The following USP54 variants were observed in gnomAD, a reference collection of about 807,000 sequenced individuals.
The protein encoded by USP54 is ubiquitin carboxyl-terminal hydrolase 54.
In USP54, 87 loss-of-function variants were observed where a neutral mutation model predicts 170.5. That is an observed-to-expected ratio of 0.51 (90% CI 0.43 to 0.61). The LOEUF (loss-of-function observed/expected upper bound fraction) is 0.61. USP54 is among the 20% of genes least tolerant of loss of function. USP54 has a pLI of 0.00. For synonymous variants in USP54, 655 were observed against 742.8 expected, an observed-to-expected ratio of 0.88 and a Z score of 1.92; for missense variants, 1,786 against 2,047.8, an observed-to-expected ratio of 0.87 and a Z score of 2.47.
chr10:73,572,914 A>G (rs1356263318), intron 3 of USP54, among the ~76,000 whole-genome samples: 5 of 152,210 alleles, frequency 3.3e-5, no homozygotes, highest in Non-Finnish European at 7.3e-5. Context: ...CGGGTAAACA[A>G]ACACATTTAT....
chr10:73,530,229 T>A lies in USP54; in HGVS notation c.1742A>T (p.Glu581Val), dbSNP rs1227427641. 1 of 1,614,062 alleles carries A rather than the reference T, an allele frequency of 6.2e-7. No individual in the cohort carries two copies. The highest frequency in any genetic ancestry group is 1.3e-5 in the African/African-American group (1 of 74,938). Residue 581 changes from glutamate (E) to valine (V), a missense_variant, in exon 14 of 24, where the codon GAA becomes GTA. Physicochemically the swap from Glu to Val is moderately radical, Grantham distance 121. Around this residue, in one of 3 missense-constraint regions of USP54, gnomAD observed 1,418 missense variants for 1,569.0 expected, o/e 0.90. Transcript: ENST00000687698. ...AAAGATACTGTCAATATTCAGAGATTCTCGTTTGGGTCTCCATGTGGGACG... is the reference window on the plus strand; with the variant it reads ...AAAGATACTGTCAATATTCAGAGATACTCGTTTGGGTCTCCATGTGGGACG... The part of the protein sequence containing the change: ...KYRPTWRPKR[E>V]SLNIDSIFSK...
rs192006573 is a variant in USP54 at position 73,540,555 on chromosome 10, G to T, written c.825+820C>A. Among the ~76,000 whole-genome samples, 490 of 152,314 alleles carry T rather than the reference G, an allele frequency of 3.2e-3. 4 individuals carry two copies. The highest frequency in any genetic ancestry group is 0.011 in the African/African-American group (459 of 41,562). On this transcript the variant is annotated intron_variant, in intron 9 of 23. Coordinates refer to ENST00000687698, the MANE Select transcript of USP54 (RefSeq NM_001391956.1). ...ACTGCACTCCAGCCTGGGCGACAGAGCAAGACTCCATCTCAAAAAAACAAA... is the reference window on the plus strand; with the variant it reads ...ACTGCACTCCAGCCTGGGCGACAGATCAAGACTCCATCTCAAAAAAACAAA...
intron 1 of USP54, among the ~76,000 whole-genome samples, chr10:73,586,419 G>T (rs2077490435): frequency 6.6e-6 from 1 of 152,120 alleles, no homozygotes; most frequent in Admixed American, 6.6e-5. Flanking sequence ...GGTGGGGTTT[G>T]GATTACAATA....
chr10:73,554,491 C>G (rs1050565875), intron 4 of USP54, among the ~76,000 whole-genome samples: 5 of 152,176 alleles, frequency 3.3e-5, no homozygotes, highest in African/African-American at 1.2e-4. Context: ...GGAAAAGAGA[C>G]GTTCACTTGG....
chr10:73,620,299 C>A (rs1340974926), intron 1 of USP54, among the ~76,000 whole-genome samples: 2 of 143,970 alleles, frequency 1.4e-5, no homozygotes, highest in Non-Finnish European at 3.0e-5. Flanking sequence ...GGCGACAGAG[C>A]GAGACTCCAT....
chr10:73,617,068 C>T (rs1488322930), intron 1 of USP54, among the ~76,000 whole-genome samples: 3 of 150,140 alleles, frequency 2.0e-5, no homozygotes, highest in East Asian at 1.9e-4. Flanking sequence ...GAGGCCAAGG[C>T]GGGCAGATCA....
chr10:73,521,129 C>G, intron 17 of USP54, 102 bp from the exon 18 acceptor site: 2 of 1,451,734 alleles, frequency 1.4e-6, no homozygotes, highest in South Asian at 2.5e-5. Context: ...TGCTGAGCCA[C>G]TGGTCTACCC....
At chr10:73,521,214 T>G (rs561783100) in intron 17 of USP54, among the ~76,000 whole-genome samples, 187 bp from the exon 18 acceptor site, 109 of 152,332 alleles carry the variant, frequency 7.2e-4, no homozygotes, top group African/African-American at 2.5e-3. Flanking sequence ...AACCAAGATG[T>G]TACCAAGGCC....
chr10:73,521,158 C>T (rs1378387112), intron 17 of USP54, 131 bp from the exon 18 acceptor site: 3 of 1,250,452 alleles, frequency 2.4e-6, no homozygotes, highest in East Asian at 2.4e-5. Context: ...ACTGTCTATT[C>T]CTATTAAGAA....
At chr10:73,564,994 C>A (rs1461586251) in intron 4 of USP54, among the ~76,000 whole-genome samples, 1 of 151,472 alleles carries the variant, frequency 6.6e-6, no homozygotes, top group Non-Finnish European at 1.5e-5. Context: ...AATTGCTTGA[C>A]CCCAGGAAAC....
At chr10:73,514,124 T>G (rs1241656205) in intron 20 of USP54, among the ~76,000 whole-genome samples, 1 of 152,052 alleles carries the variant, frequency 6.6e-6, no homozygotes, top group Non-Finnish European at 1.5e-5. Flanking sequence ...GCTAATTTTT[T>G]TGTGTGTATT....
Position 73,517,385 on chromosome 10 carries a change from G to T in USP54, c.3041C>A (p.Pro1014Gln), listed in dbSNP as rs770412823. 6.2e-7 allele frequency: 1 copy of T among 1,613,816 alleles called. No individual in the cohort carries two copies. Among genetic ancestry groups the T allele is most frequent in the Non-Finnish European group, 8.5e-7 (1 of 1,179,834 alleles). ...CDNSSCSKLP[P>Q]QEGRGIAQEQ... The stretch of plus-strand genomic sequence containing the variant: ...TTGAGCAATGCCTCTTCCTTCTTGT[G>T]GAGGGAGCTTGCTGCAACTGCTGTT... The change falls in exon 20 of 24, where the codon CCA (proline) becomes CAA (glutamine). Residue 1014 changes from proline (P) to glutamine (Q), a missense_variant. Around this residue, in one of 3 missense-constraint regions of USP54, gnomAD observed 1,418 missense variants for 1,569.0 expected, o/e 0.90. Transcript: ENST00000687698.
At chr10:73,567,805 CTTTG>C (rs1166359118) in intron 4 of USP54, among the ~76,000 whole-genome samples, 9 of 152,264 alleles carry the variant, frequency 5.9e-5, no homozygotes, top group East Asian at 5.8e-4. Flanking sequence ...ATAATGGCAA[CTTTG>C]TTTGATCCTT....
At chr10:73,613,723 C>CA (rs796241032) in intron 1 of USP54, among the ~76,000 whole-genome samples, 1 of 150,294 alleles carries the variant, frequency 6.7e-6, no homozygotes, top group Admixed American at 6.6e-5. Flanking sequence ...ACTAAAAATA[C>CA]AAAAAATTAG....
chr10:73,596,752 G>C (rs2078772277), intron 1 of USP54, among the ~76,000 whole-genome samples: 1 of 151,064 alleles, frequency 6.6e-6, no homozygotes, highest in African/African-American at 2.4e-5. Flanking sequence ...GGAATAAAGG[G>C]TTTCTCAGTG....
At chr10:73,576,909 C>A (rs917754958) in intron 1 of USP54, among the ~76,000 whole-genome samples, 5 of 152,210 alleles carry the variant, frequency 3.3e-5, no homozygotes, top group African/African-American at 1.2e-4. Context: ...AGAACTAAAT[C>A]TTCTCCTGCC....
intron 16 of USP54, 104 bp downstream of exon 16, chr10:73,526,543 G>A (rs566593764): frequency 1.2e-5 from 18 of 1,513,646 alleles, no homozygotes; most frequent in Middle Eastern, 2.1e-4. Context: ...CACCGCGCCC[G>A]GCCTGTAACT....
In USP54 at chr10:73,536,411, C is replaced by A; in HGVS notation, c.1002G>T (p.Val334=). 6.4e-7 allele frequency: 1 copy of A among 1,570,866 alleles called. No homozygotes were observed. Among genetic ancestry groups the A allele is most frequent in the Non-Finnish European group, 8.6e-7 (1 of 1,159,194 alleles). The change falls in exon 11 of 24, where the codon GTG becomes GTT. Residue 334 remains valine (V), a synonymous_variant. Transcript: ENST00000687698. ...KEIGPKWKDV[V]TKCIKGHYQP... is the part of the protein sequence containing the mutation. The stretch of plus-strand genomic sequence containing the variant: ...GATAATGCCCCTTGATGCATTTGGT[C>A]ACCACATCCTTCCATTTGGGCCCAA...
intron 3 of USP54, among the ~76,000 whole-genome samples, chr10:73,574,854 CAAAAA>C (rs111286609): frequency 1.5e-5 from 1 of 64,770 alleles, no homozygotes. Context: ...TGAGACTGTC[CAAAAA>C]AAAAAAAAAG....
Sources: allele counts gnomAD v4.1 joint callset (sites outside exome capture counted in the v4.1 genomes callset), GRCh38; gene constraint gnomAD v4.1.1; regional missense constraint gnomAD v4.1.1; transcripts MANE v1.5; gene names NCBI Gene and HGNC (gene_info 2026-07-23, HGNC 2026-07-21).